Variants in ALMS1 observed in about 807,000 individuals in gnomAD.
ALMS1 encodes the protein centrosome-associated protein ALMS1.
A neutral mutation model predicts 352.2 loss-of-function variants in ALMS1; 271 were observed. The ratio of observed to expected loss-of-function variants is 0.77; its 90% confidence interval spans 0.70 to 0.85. The LOEUF (loss-of-function observed/expected upper bound fraction) is 0.85. Ranked by LOEUF, ALMS1 falls within the 40% of genes least tolerant of loss-of-function variation. The probability of loss-of-function intolerance (pLI) is 0.00; values close to 1 mark genes in which losing one functional copy is unlikely to be tolerated. For synonymous variants in ALMS1, 1,865 were observed against 1,761.2 expected (o/e 1.06, Z -1.48); for missense variants, 5,445 against 4,870.7 (o/e 1.12, Z -3.51).
At chr2:73,548,422 G>A (rs1357737292) in intron 12 of ALMS1, among the ~76,000 whole-genome samples, 1 of 152,152 alleles carries the variant, frequency 6.6e-6, no homozygotes, top group Non-Finnish European at 1.5e-5. Context: ...TCTCTCAGCT[G>A]CCTCTCACCT....
Position 73,450,526 on chromosome 2 carries a change from C to G in ALMS1, c.3999C>G (p.Phe1333Leu), listed in dbSNP as rs1435396346. ...TGATACCAATTTTACCCTCTACTTTCTACTCACACACAGAGAAGCCTGGTG... is the reference window on the plus strand; with the variant it reads ...TGATACCAATTTTACCCTCTACTTTGTACTCACACACAGAGAAGCCTGGTG... ...KTVIPILPST[F>L]YSHTEKPGVF... The change falls in exon 8 of 23, where the codon TTC becomes TTG. Residue 1333 changes from phenylalanine (F) to leucine (L), a missense_variant. Physicochemically the swap from Phe to Leu is conservative, Grantham distance 22 (BLOSUM62 0). Coordinates refer to ENST00000613296, the MANE Select transcript of ALMS1 (RefSeq NM_001378454.1). 3 of 1,610,598 alleles carry G rather than the reference C, an allele frequency of 1.9e-6. No individual in the cohort carries two copies. In the African/African-American group the frequency reaches 4.1e-5, roughly 22 times the overall value.
At chr2:73,543,211 G>A (rs1337974246) in intron 12 of ALMS1, among the ~76,000 whole-genome samples, 6 of 152,028 alleles carry the variant, frequency 3.9e-5, no homozygotes, top group Admixed American at 2.0e-4. Flanking sequence ...AAATAATGCC[G>A]CATATCTACA....
intron 3 of ALMS1, 57 bp from the exon 4 acceptor site, chr2:73,422,800 G>GT: frequency 7.4e-7 from 1 of 1,351,066 alleles, no homozygotes; most frequent in Non-Finnish European, 1.1e-6. Flanking sequence ...TATTATATAC[G>GT]TAAGTAAATA....
At chr2:73,562,140 A>G (rs946819861) in intron 15 of ALMS1, among the ~76,000 whole-genome samples, 8 of 148,866 alleles carry the variant, frequency 5.4e-5, no homozygotes, top group East Asian at 4.0e-4. Flanking sequence ...GGAACTTACA[A>G]TTGTATGTAT....
intron 7 of ALMS1, among the ~76,000 whole-genome samples, chr2:73,432,758 T>C (rs1250046385): frequency 1.3e-5 from 2 of 152,060 alleles, no homozygotes; most frequent in East Asian, 3.9e-4. Flanking sequence ...CAACCTATAC[T>C]TTTCAGGGGG....
chr2:73,602,131 T>A lies in ALMS1; in HGVS notation c.12115-54T>A, dbSNP rs1675706484. ...GGTGTGTCTCCAGGCATATGGAGAG[T>A]AGATTGCATCATTAATCTGAGGCTG... On this transcript the variant is annotated intron_variant, in intron 19 of 22. Coordinates refer to ENST00000613296, the MANE Select transcript of ALMS1 (RefSeq NM_001378454.1). 2.6e-6 allele frequency: 4 copies of A among 1,547,350 alleles called. No individual in the cohort carries two copies. The Admixed American group carries it at 7.5e-5, about 29-fold the overall frequency.
intron 10 of ALMS1, among the ~76,000 whole-genome samples, chr2:73,499,990 A>G (rs1673187743): frequency 6.6e-6 from 1 of 152,188 alleles, no homozygotes. Flanking sequence ...TGCTTCTTAC[A>G]CAGCCTGCAG....
At chr2:73,458,838 T>A (rs771196988) in intron 9 of ALMS1, 1 of 152,210 alleles carries the variant, frequency 6.6e-6, no homozygotes. Flanking sequence ...CCCAAAGAGA[T>A]ATTTTGGAAA....
chr2:73,419,611 T>G (rs1031250871), intron 3 of ALMS1, among the ~76,000 whole-genome samples: 2 of 152,188 alleles, frequency 1.3e-5, no homozygotes, highest in Non-Finnish European at 2.9e-5. Context: ...GCAGAGTTTT[T>G]GGGATGAATA....
intron 7 of ALMS1, among the ~76,000 whole-genome samples, chr2:73,442,506 C>G (rs1048902509): frequency 6.6e-6 from 1 of 152,112 alleles, no homozygotes; most frequent in African/African-American, 2.4e-5. Flanking sequence ...AAACATATCA[C>G]ACCATCAGTT....
intron 16 of ALMS1, among the ~76,000 whole-genome samples, chr2:73,580,600 T>C (rs1558702878): frequency 6.6e-6 from 1 of 152,220 alleles, no homozygotes; most frequent in Non-Finnish European, 1.5e-5. Context: ...CTCTAACCCA[T>C]GAATGGGCCA....
chr2:73,468,502 T>A (rs1204239801), intron 9 of ALMS1, among the ~76,000 whole-genome samples: 3 of 152,070 alleles, frequency 2.0e-5, no homozygotes, highest in East Asian at 1.9e-4. Flanking sequence ...TCTTTTCATC[T>A]TGTAAAACTG....
chr2:73,558,378 A>G (rs1469562434), intron 14 of ALMS1, among the ~76,000 whole-genome samples: 4 of 152,192 alleles, frequency 2.6e-5, no homozygotes, highest in African/African-American at 9.6e-5. Flanking sequence ...ACCCCATTTT[A>G]CTATTACTAA....
rs569983190 is a variant in ALMS1 at position 73,548,714 on chromosome 2, G to C, written c.9908-1553G>C. Among the ~76,000 whole-genome samples, 13 of 152,310 alleles carry C rather than the reference G, an allele frequency of 8.5e-5. No individual in the cohort carries two copies. The South Asian group carries it at 2.5e-3, about 29-fold the overall frequency. ...TCTAATTTCCATAAAAGTGCTGTAAGAGCTAGCCGTGTCCCTGAATGCTGG... is the reference window on the plus strand; with the variant it reads ...TCTAATTTCCATAAAAGTGCTGTAACAGCTAGCCGTGTCCCTGAATGCTGG... On this transcript the variant is annotated intron_variant, in intron 12 of 22. Coordinates refer to ENST00000613296, the MANE Select transcript of ALMS1 (RefSeq NM_001378454.1).
At chr2:73,603,654 G>A in intron 21 of ALMS1, 1 of 300,616 alleles carries the variant, frequency 3.3e-6, no homozygotes. Flanking sequence ...GAGGTTAGGA[G>A]TTCGAGACCA....
At chr2:73,419,397 C>A in intron 3 of ALMS1, 79 bp downstream of exon 3, 1 of 1,419,074 alleles carries the variant, frequency 7.0e-7, no homozygotes, top group East Asian at 2.3e-5. Context: ...TGTAACTTTC[C>A]CCTTTTTGAG....
At chr2:73,600,976 T>A in intron 18 of ALMS1, 95 bp downstream of exon 18, 1 of 1,449,062 alleles carries the variant, frequency 6.9e-7, no homozygotes. Flanking sequence ...CTCTATGTGG[T>A]CCCCACCTAC....
At chr2:73,566,166 T>A (rs781115832) in intron 15 of ALMS1, among the ~76,000 whole-genome samples, 2 of 152,182 alleles carry the variant, frequency 1.3e-5, no homozygotes, top group Non-Finnish European at 2.9e-5. Flanking sequence ...AAGTTTATTT[T>A]AAAAAATTAA....
intron 10 of ALMS1, among the ~76,000 whole-genome samples, chr2:73,510,283 A>T (rs1485849739): frequency 6.6e-6 from 1 of 152,040 alleles, no homozygotes; most frequent in Non-Finnish European, 1.5e-5. Flanking sequence ...CCTTTGGAGG[A>T]GAAGAGGCAT....
Sources: allele counts gnomAD v4.1 joint callset (sites outside exome capture counted in the v4.1 genomes callset), GRCh38; gene constraint gnomAD v4.1.1; transcripts MANE v1.5; gene names NCBI Gene and HGNC (gene_info 2026-07-23, HGNC 2026-07-21).